SLC20A2: variants seen among roughly 807,000 people sequenced by gnomAD.
SLC20A2 encodes solute carrier family 20 member 2.
A neutral mutation model predicts 61.0 loss-of-function variants in SLC20A2; 30 were observed. The ratio of observed to expected loss-of-function variants is 0.49; its 90% CI spans 0.37 to 0.67. SLC20A2 has a LOEUF of 0.67. Ranked by LOEUF, SLC20A2 falls within the 30% of genes least tolerant of loss-of-function variation. SLC20A2 has a pLI of 0.00. For missense variants in SLC20A2, 626 were observed against 866.4 expected (o/e 0.72, Z 3.48); for synonymous variants, 351 against 353.3 (o/e 0.99, Z 0.07).
intron 5 of SLC20A2, among the ~76,000 whole-genome samples, chr8:42,455,257 T>TATATATATAGAGAGAG (rs1357416749): frequency 2.5e-5 from 2 of 81,620 alleles, no homozygotes; most frequent in African/African-American, 8.8e-5. Flanking sequence ...TATATATATA[T>TATATATATAGAGAGAG]AGAGAGAGAG....
chr8:42,449,654 C>T (rs897932580), intron 5 of SLC20A2, among the ~76,000 whole-genome samples: 2 of 152,206 alleles, frequency 1.3e-5, no homozygotes, highest in Non-Finnish European at 2.9e-5. Context: ...AATGCAGATT[C>T]TTTGTCTTCA....
intron 1 of SLC20A2, among the ~76,000 whole-genome samples, chr8:42,508,250 G>T (rs554686665): frequency 7.2e-5 from 11 of 152,314 alleles, no homozygotes; most frequent in Non-Finnish European, 1.3e-4. Flanking sequence ...AGGCTGAGGT[G>T]GGAAGATCGC....
chr8:42,502,063 A>G (rs1449464422), upstream of SLC20A2, among the ~76,000 whole-genome samples: 1 of 152,232 alleles, frequency 6.6e-6, no homozygotes, highest in Non-Finnish European at 1.5e-5. Context: ...TTCTGATGAC[A>G]TATTTTGCTC....
chr8:42,444,096 A>G (rs890385635), intron 6 of SLC20A2, among the ~76,000 whole-genome samples: 1 of 152,236 alleles, frequency 6.6e-6, no homozygotes, highest in Non-Finnish European at 1.5e-5. Flanking sequence ...ATTTGTATAC[A>G]AGTCTTTTTA....
At chr8:42,439,995 G>C (rs796359445) in intron 6 of SLC20A2, among the ~76,000 whole-genome samples, 3 of 151,848 alleles carry the variant, frequency 2.0e-5, no homozygotes, top group African/African-American at 7.2e-5. Flanking sequence ...TGAGGCAGGA[G>C]AATCTCTTAA....
chr8:42,452,884 G>T (rs1489742480), intron 5 of SLC20A2, among the ~76,000 whole-genome samples: 1 of 152,140 alleles, frequency 6.6e-6, no homozygotes, highest in Non-Finnish European at 1.5e-5. Context: ...AGAACTTTTG[G>T]GAGTACCCAT....
intron 1 of SLC20A2, among the ~76,000 whole-genome samples, chr8:42,533,985 T>C (rs2131446378): frequency 6.6e-6 from 1 of 152,014 alleles, no homozygotes; most frequent in South Asian, 2.1e-4. Context: ...TTACTAGCAT[T>C]TGAAGAAATC....
chr8:42,536,383 G>A (rs1481825953), intron 1 of SLC20A2: 2 of 152,270 alleles, frequency 1.3e-5, no homozygotes, highest in East Asian at 3.8e-4. Context: ...CTCCCTGGCT[G>A]CTAACCAGGC....
intron 1 of SLC20A2, among the ~76,000 whole-genome samples, chr8:42,492,774 C>T (rs1470335957): frequency 4.6e-5 from 7 of 151,800 alleles, no homozygotes; most frequent in African/African-American, 1.2e-4. Context: ...CTGCAAGCTC[C>T]GCCTCCCATT....
chr8:42,487,800 G>A (rs1168054823), intron 1 of SLC20A2, among the ~76,000 whole-genome samples: 1 of 152,146 alleles, frequency 6.6e-6, no homozygotes, highest in South Asian at 2.1e-4. Flanking sequence ...AGTGGCGTTA[G>A]GTATATTCAC....
At chr8:42,509,007 C>T (rs1218943523) in intron 1 of SLC20A2, among the ~76,000 whole-genome samples, 1 of 152,170 alleles carries the variant, frequency 6.6e-6, no homozygotes, top group Non-Finnish European at 1.5e-5. Context: ...GTGCCTTCAT[C>T]ACTTTTAAAA....
intron 1 of SLC20A2, among the ~76,000 whole-genome samples, chr8:42,524,094 G>A (rs910647030): frequency 6.6e-6 from 1 of 152,160 alleles, no homozygotes; most frequent in Non-Finnish European, 1.5e-5. Flanking sequence ...CATTCTGCTG[G>A]TGGACAGAAT....
intron 1 of SLC20A2, among the ~76,000 whole-genome samples, chr8:42,511,024 C>T (rs1283236156): frequency 6.6e-6 from 1 of 152,002 alleles, no homozygotes; most frequent in Non-Finnish European, 1.5e-5. Context: ...GCTTTAGGTC[C>T]CCTTGCTACC....
chr8:42,520,008 CTTTTTTTTTTTTTT>C (rs557576151), intron 1 of SLC20A2, among the ~76,000 whole-genome samples: 2 of 102,684 alleles, frequency 1.9e-5, no homozygotes, highest in Non-Finnish European at 3.7e-5. Context: ...TTATGCTAAT[CTTTTTTTTTTTTTT>C]TTTTTTTTTA....
chr8:42,529,674 A>G (rs1478841506), intron 1 of SLC20A2, among the ~76,000 whole-genome samples: 2 of 152,210 alleles, frequency 1.3e-5, no homozygotes, highest in East Asian at 3.9e-4. Context: ...AACAAGACAT[A>G]CATTATGAAG....
chr8:42,426,257 T>C (rs765885477), intron 10 of SLC20A2, among the ~76,000 whole-genome samples: 5 of 152,220 alleles, frequency 3.3e-5, no homozygotes, highest in African/African-American at 7.2e-5. Flanking sequence ...TCCTATAAAC[T>C]GTATTCTAGA....
intron 1 of SLC20A2, among the ~76,000 whole-genome samples, chr8:42,491,545 C>G (rs1809515058): frequency 6.6e-6 from 1 of 151,754 alleles, no homozygotes; most frequent in Non-Finnish European, 1.5e-5. Flanking sequence ...GTGGCGGGCA[C>G]CTGTAATCCC....
chr8:42,539,246 G>T (rs761833760), intron 1 of SLC20A2, among the ~76,000 whole-genome samples: 16 of 151,956 alleles, frequency 1.1e-4, no homozygotes, highest in Non-Finnish European at 1.8e-4. Flanking sequence ...TAATCACAAA[G>T]AAGACACACA....
At chr8:42,430,588 C>G (rs898034967) in intron 8 of SLC20A2, among the ~76,000 whole-genome samples, 1 of 152,116 alleles carries the variant, frequency 6.6e-6, no homozygotes, top group Non-Finnish European at 1.5e-5. Context: ...GTCTCGAACC[C>G]CTGACCTTGT....
Sources: gnomAD v4.1 joint callset for allele counts (sites outside exome capture counted in the v4.1 genomes callset) on GRCh38, gnomAD v4.1.1 for gene constraint, MANE v1.5 for transcripts, NCBI Gene and HGNC (gene_info 2026-07-23, HGNC 2026-07-21) for gene names.